FIGN: variants seen among roughly 807,000 people sequenced by gnomAD.
FIGN encodes fidgetin, microtubule severing factor.
In FIGN, 11 loss-of-function variants were observed where a neutral mutation model predicts 51.3. That is an observed-to-expected ratio of 0.21 (90% CI 0.13 to 0.35). The LOEUF (loss-of-function observed/expected upper bound fraction) is 0.35, where lower values mean the gene tolerates loss of function less well. Ranked by LOEUF, FIGN falls within the 10% of genes least tolerant of loss-of-function variation. The pLI is 1.00. For missense variants in FIGN, 857 were observed against 943.6 expected, an observed-to-expected ratio of 0.91 and a Z score of 1.20; for synonymous variants, 407 against 363.2, an observed-to-expected ratio of 1.12 and a Z score of -1.37.
At position 163,703,666 on chromosome 2, in the gene FIGN, G is replaced by A. The variant is rs577199635; in HGVS notation, c.25+31237C>T. ...CACTATTTGTAGGGCTCCTTACTGA[G>A]GCCTTAAGATGTAAAGGTCTTCTTG... On this transcript the variant is annotated intron_variant, in intron 2 of 2. Transcript: ENST00000333129. 6.6e-5 allele frequency among the ~76,000 whole-genome samples: 10 copies of A among 152,130 alleles called. No individual in the cohort carries two copies. The South Asian group carries it at 2.1e-3, about 32-fold the overall frequency.
chr2:163,699,089 G>A (rs983322513), intron 2 of FIGN, among the ~76,000 whole-genome samples: 1 of 151,980 alleles, frequency 6.6e-6, no homozygotes, highest in Non-Finnish European at 1.5e-5. Context: ...AACCCTACAG[G>A]AATAAATGAG....
chr2:163,641,105 G>C (rs1573920777), intron 2 of FIGN, among the ~76,000 whole-genome samples: 1 of 152,120 alleles, frequency 6.6e-6, no homozygotes, highest in African/African-American at 2.4e-5. Context: ...CCCGATACTT[G>C]GGGCATTCAC....
At chr2:163,647,668 C>T (rs1683402992) in intron 2 of FIGN, among the ~76,000 whole-genome samples, 1 of 152,120 alleles carries the variant, frequency 6.6e-6, no homozygotes, top group Admixed American at 6.5e-5. Flanking sequence ...TTTTCAGTAA[C>T]AAACTTTATA....
chr2:163,692,883 G>A (rs111269396), intron 2 of FIGN, among the ~76,000 whole-genome samples: 105 of 152,286 alleles, frequency 6.9e-4, no homozygotes, highest in Non-Finnish European at 1.1e-3. Context: ...AAGAATCTGC[G>A]AAGAAAAAGT....
intron 2 of FIGN, among the ~76,000 whole-genome samples, chr2:163,723,031 C>CA (rs1030853929): frequency 4.6e-5 from 7 of 151,428 alleles, no homozygotes; most frequent in Admixed American, 2.6e-4. Flanking sequence ...CTAAAAAATA[C>CA]AAAAAAATTA....
At chr2:163,659,711 A>G (rs947322388) in intron 2 of FIGN, among the ~76,000 whole-genome samples, 1 of 152,330 alleles carries the variant, frequency 6.6e-6, no homozygotes, top group South Asian at 2.1e-4. Context: ...TACCAGGGTA[A>G]TTAGATTATG....
intron 2 of FIGN, among the ~76,000 whole-genome samples, chr2:163,694,018 C>T (rs1684277728): frequency 6.6e-6 from 1 of 152,150 alleles, no homozygotes; most frequent in Non-Finnish European, 1.5e-5. Flanking sequence ...TCAGCTTGTT[C>T]AAGGGAAGAG....
chr2:163,629,247 G>A (rs1350667398), intron 2 of FIGN, among the ~76,000 whole-genome samples: 1 of 152,184 alleles, frequency 6.6e-6, no homozygotes, highest in Non-Finnish European at 1.5e-5. Context: ...CACGCTGTTG[G>A]AAAAGACAAG....
intron 2 of FIGN, among the ~76,000 whole-genome samples, chr2:163,648,152 C>A (rs1198193675): frequency 1.3e-5 from 2 of 151,954 alleles, no homozygotes; most frequent in African/African-American, 2.4e-5. Flanking sequence ...CCAACCCCAG[C>A]CCCACTGCCT....
intron 2 of FIGN, among the ~76,000 whole-genome samples, chr2:163,626,317 C>A (rs933855779): frequency 2.0e-5 from 3 of 152,060 alleles, no homozygotes; most frequent in Admixed American, 2.0e-4. Context: ...TACTACAAAA[C>A]CTATATCCTG....
chr2:163,613,153 A>G (rs1682798324), intron 2 of FIGN, among the ~76,000 whole-genome samples: 1 of 152,076 alleles, frequency 6.6e-6, no homozygotes, highest in Non-Finnish European at 1.5e-5. Flanking sequence ...ACAGTTAGTT[A>G]CAGAAGAGGA....
chr2:163,703,254 T>G (rs539787092), intron 2 of FIGN, among the ~76,000 whole-genome samples: 1 of 152,254 alleles, frequency 6.6e-6, no homozygotes, highest in Admixed American at 6.6e-5. Context: ...TCCCTAATTT[T>G]TGTGGGACTG....
At chr2:163,620,682 TTG>T (rs1200770611) in intron 2 of FIGN, among the ~76,000 whole-genome samples, 1 of 152,192 alleles carries the variant, frequency 6.6e-6, no homozygotes, top group Admixed American at 6.5e-5. Flanking sequence ...GTTATTCCAG[TTG>T]ATTCTCAAAA....
At chr2:163,732,607 T>C (rs1177031466) in intron 2 of FIGN, among the ~76,000 whole-genome samples, 1 of 152,254 alleles carries the variant, frequency 6.6e-6, no homozygotes, top group Non-Finnish European at 1.5e-5. Context: ...TTATAAAGTC[T>C]GGGATTTCCC....
At chr2:163,700,500 T>C (rs1001089446) in intron 2 of FIGN, among the ~76,000 whole-genome samples, 3 of 152,078 alleles carry the variant, frequency 2.0e-5, no homozygotes, top group African/African-American at 7.2e-5. Flanking sequence ...GAAGCTCTAG[T>C]TTCAGAACAC....
intron 2 of FIGN, among the ~76,000 whole-genome samples, chr2:163,707,808 AT>A (rs1347442883): frequency 3.9e-5 from 6 of 152,150 alleles, no homozygotes; most frequent in Non-Finnish European, 5.9e-5. Flanking sequence ...ATAAATAAAA[AT>A]ATCTGTAGTT....
At chr2:163,708,844 C>G (rs1684542819) in intron 2 of FIGN, among the ~76,000 whole-genome samples, 1 of 151,876 alleles carries the variant, frequency 6.6e-6, no homozygotes, top group African/African-American at 2.4e-5. Context: ...CTATACTACC[C>G]CAAGTAAGGA....
intron 2 of FIGN, among the ~76,000 whole-genome samples, chr2:163,686,530 G>A (rs1684152435): frequency 6.6e-6 from 1 of 152,056 alleles, no homozygotes; most frequent in Non-Finnish European, 1.5e-5. Context: ...GTAAAGAAGT[G>A]AGAAGTGTGG....
intron 2 of FIGN, among the ~76,000 whole-genome samples, chr2:163,658,364 GCTCTCTCTCTCT>G (rs55894952): frequency 0.47 from 64,569 of 137,612 alleles, 17,512 homozygotes; most frequent in Non-Finnish European, 0.6. Flanking sequence ...TTAAGAAACA[GCTCTCTCTCTCT>G]CTCTCTCTCT....
Sources: gnomAD v4.1 joint callset for allele counts (sites outside exome capture counted in the v4.1 genomes callset) on GRCh38, gnomAD v4.1.1 for gene constraint, MANE v1.5 for transcripts, NCBI Gene and HGNC (gene_info 2026-07-23, HGNC 2026-07-21) for gene names.